TBCK: variants seen among roughly 807,000 people sequenced by gnomAD.
TBCK encodes the protein TBC domain-containing protein kinase-like protein.
TBCK carries 99 observed loss-of-function variants against 113.4 expected under a neutral mutation model. The ratio of observed to expected loss-of-function variants is 0.87; its 90% confidence interval spans 0.74 to 1.03. The LOEUF (loss-of-function observed/expected upper bound fraction) is 1.03, where lower values mean the gene tolerates loss of function less well. Ranked by LOEUF, TBCK falls within the 50% of genes least tolerant of loss-of-function variation. TBCK has a pLI of 0.00. For synonymous variants in TBCK, 369 were observed against 370.8 expected (o/e 1.00, Z 0.05); for missense variants, 1,045 against 1,061.3 (o/e 0.98, Z 0.21).
At position 106,302,882 on chromosome 4, in the gene TBCK, T is replaced by C. The variant is rs547309411; in HGVS notation, c.193+5886A>G. ...GTAATTTTTCAACATCTAATTAATG[T>C]CACTAAAGCCAGGTAACAAATAAAA... On this transcript the variant is annotated intron_variant, in intron 2 of 25. Coordinates refer to ENST00000394708, the MANE Select transcript of TBCK (RefSeq NM_001163435.3). Among the ~76,000 whole-genome samples the C allele has an allele frequency of 1.7e-3, 257 of 152,338 alleles. 2 individuals are homozygous for C. Among genetic ancestry groups the C allele is most frequent in the Admixed American group, 4.1e-3 (63 of 15,300 alleles).
chr4:106,066,883 C>T (rs1160408814), intron 25 of TBCK, among the ~76,000 whole-genome samples: 1 of 152,010 alleles, frequency 6.6e-6, no homozygotes, highest in East Asian at 1.9e-4. Context: ...GAACATTACA[C>T]TGTATATACT....
At chr4:106,070,601 TC>T (rs1737289782) in intron 25 of TBCK, among the ~76,000 whole-genome samples, 1 of 152,204 alleles carries the variant, frequency 6.6e-6, no homozygotes, top group African/African-American at 2.4e-5. Flanking sequence ...TCTAAAATTC[TC>T]TTTTTTGTGT....
intron 24 of TBCK, among the ~76,000 whole-genome samples, chr4:106,098,747 AT>A (rs1409618133): frequency 3.9e-5 from 6 of 152,070 alleles, no homozygotes. Flanking sequence ...TCCAGTAAAC[AT>A]ATGAATTTTC....
At chr4:106,225,811 CTAATT>C (rs1326851552) in intron 19 of TBCK, among the ~76,000 whole-genome samples, 2 of 151,958 alleles carry the variant, frequency 1.3e-5, no homozygotes, top group African/African-American at 4.8e-5. Context: ...ACTACAGTCT[CTAATT>C]TAATAAATTA....
intron 1 of TBCK, chr4:106,310,588 T>G (rs1055071626): frequency 3.3e-5 from 5 of 152,242 alleles, no homozygotes; most frequent in Non-Finnish European, 7.3e-5. Context: ...CTATGGACAC[T>G]GGTGAGAAGA....
intron 23 of TBCK, among the ~76,000 whole-genome samples, chr4:106,125,705 C>T (rs1321088794): frequency 6.6e-6 from 1 of 151,624 alleles, no homozygotes; most frequent in Non-Finnish European, 1.5e-5. Flanking sequence ...GAAAGGTGGA[C>T]AGGGTGGGTT....
At chr4:106,092,567 G>A (rs980756646) in intron 25 of TBCK, among the ~76,000 whole-genome samples, 3 of 152,220 alleles carry the variant, frequency 2.0e-5, no homozygotes, top group Admixed American at 6.5e-5. Context: ...GCTAAGGCCC[G>A]GTGAGAAATC....
chr4:106,243,032 G>C (rs1322092273), intron 11 of TBCK, among the ~76,000 whole-genome samples: 2 of 151,954 alleles, frequency 1.3e-5, no homozygotes, highest in African/African-American at 4.8e-5. Flanking sequence ...TCCCTACAAA[G>C]GACATGAACT....
At chr4:106,248,661 G>A (rs1367469808) in intron 8 of TBCK, among the ~76,000 whole-genome samples, 1 of 152,130 alleles carries the variant, frequency 6.6e-6, no homozygotes, top group African/African-American at 2.4e-5. Flanking sequence ...CTCTTCCCCT[G>A]GTGAATGGCA....
intron 24 of TBCK, among the ~76,000 whole-genome samples, chr4:106,114,653 C>T (rs1033033196): frequency 2.6e-5 from 4 of 152,114 alleles, no homozygotes; most frequent in African/African-American, 9.7e-5. Flanking sequence ...CCAGGGTCTG[C>T]AGATTGGACC....
At position 106,248,938 on chromosome 4, in the gene TBCK, A is replaced by AACC; in HGVS notation, c.700_702dup (p.Gly234dup). 1.2e-6 allele frequency: 2 copies of AACC among 1,608,338 alleles called. No individual in the cohort carries two copies. Among genetic ancestry groups the AACC allele is most frequent in the Non-Finnish European group, 1.7e-6 (2 of 1,178,248 alleles). On this transcript the variant is annotated inframe_insertion, in exon 8 of 26. Coordinates refer to ENST00000394708, the MANE Select transcript of TBCK (RefSeq NM_001163435.3). ...TGACAAACCTTTATAATGTCCAAAC[A>AACC]ACCATGCTCTTCAGCCAGAACTATT...
chr4:106,286,954 C>G (rs1320220218), intron 3 of TBCK, among the ~76,000 whole-genome samples: 1 of 152,108 alleles, frequency 6.6e-6, no homozygotes, highest in African/African-American at 2.4e-5. Context: ...GGAAATTTAT[C>G]TTTTGAATCA....
intron 25 of TBCK, among the ~76,000 whole-genome samples, chr4:106,077,925 T>A (rs906676760): frequency 6.6e-6 from 1 of 152,040 alleles, no homozygotes; most frequent in African/African-American, 2.4e-5. Context: ...TTCAACAAAT[T>A]AAAAAAATTG....
chr4:106,045,168 C>T lies in TBCK; in HGVS notation c.*1402G>A, dbSNP rs1236728593. The stretch of plus-strand genomic sequence containing the variant: ...CTGCCTCTCAGGTTCAAGTGATTCT[C>T]CTGCCTCAGCCTCCTGAGTAGCTGG... On this transcript the variant is annotated 3_prime_UTR_variant, in exon 26 of 26. Coordinates refer to ENST00000394708, the MANE Select transcript of TBCK (RefSeq NM_001163435.3). 6.6e-6 allele frequency: 1 copy of T among 151,578 alleles called. No homozygotes were observed. The highest frequency in any genetic ancestry group is 1.5e-5 in the Non-Finnish European group (1 of 68,008). 9.4% of individuals were successfully genotyped at this position (151,578 alleles called of 1,614,324 possible).
intron 23 of TBCK, among the ~76,000 whole-genome samples, chr4:106,146,657 T>A (rs942062212): frequency 4.6e-5 from 7 of 152,218 alleles, no homozygotes; most frequent in Non-Finnish European, 8.8e-5. Context: ...CAAGTCATAA[T>A]CTTTTTGCTG....
rs1381798069 is a variant in TBCK at position 106,231,667 on chromosome 4, G to T, written c.1690+62C>A. ...TAAAACAAAAACAAAAACCTTTCAT[G>T]TGTGAATCAAATATTTTAGAATATT... On this transcript the variant is annotated intron_variant, in intron 18 of 25. Transcript: ENST00000394708. 1.1e-5 allele frequency: 17 copies of T among 1,484,486 alleles called. No homozygotes were observed. The South Asian group carries it at 1.9e-4, about 17-fold the overall frequency. The allele number at this position is 1,484,486 out of a possible 1,614,324, so 92.0% of individuals were successfully genotyped here.
In TBCK at chr4:106,116,393, G is replaced by T; in HGVS notation, c.2236-15C>A. The T allele has an allele frequency of 6.4e-7, 1 of 1,571,148 alleles. No homozygotes were observed. The highest frequency in any genetic ancestry group is 8.7e-7 in the Non-Finnish European group (1 of 1,154,362). ...GATTCTCTTGACTGAAAAAAAAAAT[G>T]TACAAAAAAAAATATTGAGAATATT... On this transcript the variant is annotated splice_polypyrimidine_tract_variant and intron_variant, in intron 23 of 25. Coordinates refer to ENST00000394708, the MANE Select transcript of TBCK (RefSeq NM_001163435.3).
In TBCK at chr4:106,138,330, T is replaced by C. The variant is rs1029385926; in HGVS notation, c.2236-21952A>G. On this transcript the variant is annotated intron_variant, in intron 23 of 25. Transcript: ENST00000394708. ...TATATAATTCTATTACCTTATTTTTTAAATTTATATTCAACTGGCAAAAGG... is the reference window on the plus strand; with the variant it reads ...TATATAATTCTATTACCTTATTTTTCAAATTTATATTCAACTGGCAAAAGG... Among the ~76,000 whole-genome samples the C allele has an allele frequency of 2.1e-5, 3 of 141,090 alleles. 1 individual carries two copies. The highest frequency in any genetic ancestry group is 3.2e-5 in the Non-Finnish European group (2 of 62,136). The allele number at this position is 141,090 out of a possible 152,430, so 92.6% of individuals were successfully genotyped here. A position where few individuals can be genotyped will look rare whatever the true frequency, so the allele number is the denominator to read the frequency against.
chr4:106,241,873 A>C (rs1760182574), intron 12 of TBCK, among the ~76,000 whole-genome samples: 1 of 151,976 alleles, frequency 6.6e-6, no homozygotes, highest in Non-Finnish European at 1.5e-5. Context: ...ATATTTGACT[A>C]TAAAAGAAAA....
Sources: gnomAD v4.1 joint callset for allele counts (sites outside exome capture counted in the v4.1 genomes callset) on GRCh38, gnomAD v4.1.1 for gene constraint, MANE v1.5 for transcripts, NCBI Gene and HGNC (gene_info 2026-07-23, HGNC 2026-07-21) for gene names.